PABPC4L: variants seen among roughly 807,000 people sequenced by gnomAD.
PABPC4L encodes the protein polyadenylate-binding protein 4-like.
For synonymous variants in PABPC4L, 169 were observed against 164.1 expected, an observed-to-expected ratio of 1.03 and a Z score of -0.23; for missense variants, 452 against 451.4, an observed-to-expected ratio of 1.00 and a Z score of -0.01.
chr4:134,112,614 C>A, the PABPC4L span, among the ~76,000 whole-genome samples: 89 of 143,598 alleles, frequency 6.2e-4, no homozygotes, highest in Non-Finnish European at 1.0e-3. Context: ...ATCTATCTAT[C>A]TATATATCTA....
the PABPC4L span, among the ~76,000 whole-genome samples, chr4:134,124,197 C>T: frequency 6.6e-6 from 1 of 152,030 alleles, no homozygotes; most frequent in Admixed American, 6.6e-5. Flanking sequence ...TCATACCCAA[C>T]TAAAACAGAG....
At chr4:134,142,441 G>A in the PABPC4L span, among the ~76,000 whole-genome samples, 1 of 151,584 alleles carries the variant, frequency 6.6e-6, no homozygotes, top group African/African-American at 2.4e-5. Flanking sequence ...ATATTAATTA[G>A]TTGGCAGTTA....
the PABPC4L span, among the ~76,000 whole-genome samples, chr4:134,126,183 T>C: frequency 6.6e-6 from 1 of 152,080 alleles, no homozygotes; most frequent in Non-Finnish European, 1.5e-5. Flanking sequence ...CTGGCTCATA[T>C]CATTTGCCTA....
At chr4:134,071,384 A>G in the PABPC4L span, among the ~76,000 whole-genome samples, 1 of 152,132 alleles carries the variant, frequency 6.6e-6, no homozygotes, top group East Asian at 1.9e-4. Flanking sequence ...ATCTTATCAG[A>G]CATCTTGAAT....
the PABPC4L span, among the ~76,000 whole-genome samples, chr4:134,112,576 ATC>A: frequency 3.0e-5 from 3 of 100,782 alleles, no homozygotes; most frequent in Non-Finnish European, 6.3e-5. Context: ...GTAACTATCT[ATC>A]TATCTATCTA....
chr4:134,130,846 A>T, the PABPC4L span, among the ~76,000 whole-genome samples: 1 of 152,158 alleles, frequency 6.6e-6, no homozygotes, highest in Non-Finnish European at 1.5e-5. Flanking sequence ...ATCCACCATG[A>T]TCCAGTGGGT....
chr4:134,201,032 G>C lies in PABPC4L; in HGVS notation c.-13C>G, dbSNP rs1386872635. 4 of 1,551,680 alleles carry C rather than the reference G, an allele frequency of 2.6e-6. No homozygotes were observed. The highest frequency in any genetic ancestry group is 2.6e-6 in the Non-Finnish European group (3 of 1,146,986). ...CTGCTACATTCATCTCCTTGTCCTTGCCACTGTGAGTTTGTCCCCTGGAGT... is the reference window on the plus strand; with the variant it reads ...CTGCTACATTCATCTCCTTGTCCTTCCCACTGTGAGTTTGTCCCCTGGAGT... On this transcript the variant is annotated 5_prime_UTR_variant, in exon 2 of 2. Transcript: ENST00000421491.
chr4:134,201,668 G>C (rs911014500), intron 1 of PABPC4L, 50 bp downstream of exon 1: 1 of 152,920 alleles, frequency 6.5e-6, no homozygotes, highest in African/African-American at 2.4e-5. Flanking sequence ...CAGACCGACG[G>C]ACTGACGGAC....
the PABPC4L span, among the ~76,000 whole-genome samples, chr4:134,078,579 C>T: frequency 6.6e-6 from 1 of 151,736 alleles, no homozygotes; most frequent in East Asian, 1.9e-4. Context: ...AAAAAAGACT[C>T]CAGTGACAGG....
the PABPC4L span, among the ~76,000 whole-genome samples, chr4:133,998,812 C>T: frequency 2.6e-5 from 4 of 151,668 alleles, no homozygotes; most frequent in East Asian, 7.8e-4. Flanking sequence ...TAGGATCTTT[C>T]CCCCTAGTTT....
the PABPC4L span, among the ~76,000 whole-genome samples, chr4:133,950,824 C>T: frequency 6.6e-6 from 1 of 152,184 alleles, no homozygotes; most frequent in South Asian, 2.1e-4. Flanking sequence ...AACTGTGTTA[C>T]CTCTGCTGGA....
Position 134,196,742 on chromosome 4 carries a change from A to C in PABPC4L, c.*3165T>G, listed in dbSNP as rs573126228. On this transcript the variant is annotated 3_prime_UTR_variant, in exon 2 of 2. Coordinates refer to ENST00000421491, the MANE Select transcript of PABPC4L (RefSeq NM_001114734.2). ...AGATAACTTGCTATTATCACGCACC[A>C]AAAAAAATTAGAATGAACAAAATTT... 6.6e-6 allele frequency: 1 copy of C among 151,642 alleles called. No individual in the cohort carries two copies. The highest frequency in any genetic ancestry group is 2.4e-5 in the African/African-American group (1 of 41,478). 9.4% of individuals were successfully genotyped at this position (151,642 alleles called of 1,614,324 possible).
the PABPC4L span, among the ~76,000 whole-genome samples, chr4:134,100,647 A>T: frequency 3.3e-5 from 5 of 151,606 alleles, no homozygotes; most frequent in African/African-American, 9.7e-5. Flanking sequence ...CATACACCGA[A>T]TTGTATTCTG....
chr4:134,069,868 C>G, the PABPC4L span, among the ~76,000 whole-genome samples: 1 of 151,592 alleles, frequency 6.6e-6, no homozygotes, highest in African/African-American at 2.4e-5. Context: ...GGAAATAGTT[C>G]AGTTATATGG....
chr4:134,110,732 T>C, the PABPC4L span, among the ~76,000 whole-genome samples: 6 of 151,912 alleles, frequency 3.9e-5, no homozygotes, highest in East Asian at 1.2e-3. Flanking sequence ...CTCCTGTATA[T>C]GTTAAATCAT....
chr4:134,165,930 G>A, the PABPC4L span, among the ~76,000 whole-genome samples: 1 of 152,230 alleles, frequency 6.6e-6, no homozygotes, highest in Admixed American at 6.5e-5. Context: ...TATACATCAT[G>A]GAATACTATT....
chr4:134,059,965 A>G, the PABPC4L span, among the ~76,000 whole-genome samples: 2 of 152,154 alleles, frequency 1.3e-5, no homozygotes, highest in Non-Finnish European at 2.9e-5. Flanking sequence ...ACAGTCTTGC[A>G]TGGCTGATGC....
At chr4:134,193,168 TAAG>T (rs1016177272), downstream of PABPC4L, among the ~76,000 whole-genome samples, 1 of 152,004 alleles carries the variant, frequency 6.6e-6, no homozygotes, top group African/African-American at 2.4e-5. Flanking sequence ...AAAGATTCAG[TAAG>T]AAGCAGTGAT....
chr4:134,118,137 C>A, the PABPC4L span, among the ~76,000 whole-genome samples: 3 of 151,686 alleles, frequency 2.0e-5, no homozygotes, highest in Admixed American at 6.6e-5. Context: ...AACTCCTTTG[C>A]CCCTGACTCA....
Sources: gnomAD v4.1 joint callset for allele counts (sites outside exome capture counted in the v4.1 genomes callset) on GRCh38, gnomAD v4.1.1 for gene constraint, MANE v1.5 for transcripts, NCBI Gene and HGNC (gene_info 2026-07-23, HGNC 2026-07-21) for gene names.